Variants in NISCH observed in about 807,000 individuals in gnomAD.
NISCH encodes I-1 receptor candidate protein.
Under a neutral mutation model 138.4 loss-of-function variants are expected in NISCH, and 55 were observed. The observed-to-expected ratio is 0.40, with a 90% CI of 0.32 to 0.50. NISCH has a LOEUF of 0.50. Ranked by LOEUF, NISCH falls within the 20% of genes least tolerant of loss-of-function variation. NISCH has a pLI of 0.71. For synonymous variants in NISCH, 860 were observed against 861.5 expected (o/e 1.00, Z 0.03); for missense variants, 1,643 against 2,005.5 (o/e 0.82, Z 3.45).
At chr3:52,470,593 G>A in intron 3 of NISCH, 2 of 540,934 alleles carry the variant, frequency 3.7e-6, no homozygotes, top group South Asian at 2.3e-5. Flanking sequence ...GGGCTACAGT[G>A]CCCTTGGCCC....
Position 52,472,329 on chromosome 3 carries a change from G to C in NISCH, c.600G>C (p.Gly200=), listed in dbSNP as rs1246145955. 2 of 1,614,120 alleles carry C rather than the reference G, an allele frequency of 1.2e-6. No homozygotes were observed. The highest frequency in any genetic ancestry group is 1.7e-6 in the Non-Finnish European group (2 of 1,180,044). The part of the protein sequence containing the change: ...LKVSGTEGPF[G]TSNIQEQLLP... The stretch of plus-strand genomic sequence containing the variant: ...TTTCTGGCACAGAAGGACCTTTTGG[G>C]ACCAGCAACATTCAGGAGCAGCTCC... Residue 200 remains glycine (G), a synonymous_variant, in exon 6 of 21, where the codon GGG becomes GGC. Coordinates refer to ENST00000345716, the MANE Select transcript of NISCH (RefSeq NM_007184.4).
chr3:52,492,458 G>A lies in NISCH; in HGVS notation c.4491G>A (p.Glu1497=), dbSNP rs2153231991. The A allele has an allele frequency of 6.2e-7, 1 of 1,606,344 alleles. No homozygotes were observed. Among genetic ancestry groups the A allele is most frequent in the Non-Finnish European group, 8.5e-7 (1 of 1,176,814 alleles). ...ARQWEALCGR[E]LPVELTG ...AGTGGGAGGCCCTGTGTGGCCGTGA[G>A]CTGCCTGTCGAGCTCACCGGCTAGC... Residue 1497 remains glutamate (E), a synonymous_variant, in exon 21 of 21, where the codon GAG becomes GAA. Coordinates refer to ENST00000345716, the MANE Select transcript of NISCH (RefSeq NM_007184.4).
chr3:52,487,910 C>G lies in NISCH; in HGVS notation c.2418C>G (p.Asp806Glu), dbSNP rs748560295. The change falls in exon 16 of 21, where the codon GAC becomes GAG. Residue 806 changes from aspartate to glutamate, a missense_variant. Coordinates refer to ENST00000345716, the MANE Select transcript of NISCH (RefSeq NM_007184.4). This position sits in a 1 kb window ranked among gnomAD's most constrained non-coding sequence, Gnocchi z 9.1. ...DAANLHEFHA[D>E]LRSCFAPQHM... ...CCAACCTGCACGAGTTCCACGCGGA[C>G]CTGCGCTCATGCTTTGCACCCCAGC... The G allele has an allele frequency of 3.7e-6, 6 of 1,611,868 alleles. No homozygotes were observed. Among genetic ancestry groups the G allele is most frequent in the Middle Eastern group, 1.6e-4 (1 of 6,084 alleles).
Position 52,489,279 on chromosome 3 carries a change from C to G in NISCH, c.3114-57C>G, listed in dbSNP as rs1276350631. 5 of 1,561,762 alleles carry G rather than the reference C, an allele frequency of 3.2e-6. No homozygotes were observed. The African/African-American group carries it at 5.4e-5, about 17-fold the overall frequency. ...TCTCCTCACTCTGAAGCTGCACATGCGATGTGAATCTTCATTTGGGGTCCG... is the reference window on the plus strand; with the variant it reads ...TCTCCTCACTCTGAAGCTGCACATGGGATGTGAATCTTCATTTGGGGTCCG... On this transcript the variant is annotated intron_variant, in intron 16 of 20. Transcript: ENST00000345716.
rs764044839 is a variant in NISCH at position 52,490,884 on chromosome 3, C to T, written c.3742+51C>T. 13 of 1,606,876 alleles carry T rather than the reference C, an allele frequency of 8.1e-6. No homozygotes were observed. The African/African-American group carries it at 1.6e-4, about 20-fold the overall frequency. On this transcript the variant is annotated intron_variant, in intron 19 of 20. Coordinates refer to ENST00000345716, the MANE Select transcript of NISCH (RefSeq NM_007184.4). ...TATTTCGGGTGAAGGCCAGCATCAC[C>T]AGTGGGCTTCCACCTTCCGTACGTG... is the stretch of plus-strand genomic sequence containing the variant.
intron 13 of NISCH, chr3:52,481,614 A>G: frequency 3.0e-6 from 3 of 985,770 alleles, no homozygotes; most frequent in Non-Finnish European, 3.6e-6. Flanking sequence ...GGCCAGGGAC[A>G]CAGCCATTTC....
intron 3 of NISCH, 31 bp downstream of exon 3, chr3:52,458,875 C>G (rs777184324): frequency 4.5e-6 from 7 of 1,555,850 alleles, no homozygotes; most frequent in Non-Finnish European, 6.1e-6. Context: ...TCACCTGTGC[C>G]TGCAAACCCA....
rs778371590 is a variant in NISCH at position 52,489,438 on chromosome 3, G to A, written c.3216G>A (p.Ala1072=). The A allele has an allele frequency of 3.1e-6, 5 of 1,601,932 alleles. No homozygotes were observed. The highest frequency in any genetic ancestry group is 1.7e-5 in the Admixed American group (1 of 59,836). The change falls in exon 17 of 21, where the codon GCG becomes GCA. Residue 1072 remains alanine, a synonymous_variant. Transcript: ENST00000345716. ...CAGCAGCCTCAGCCTCAGGCCCAGC[G>A]AAGACTCCGGCCCCAGCAGAGGCCT... ...APAAASASGP[A]KTPAPAEAST...
chr3:52,484,462 T>TACCCCCCCCC, intron 13 of NISCH, 51 bp from the exon 14 acceptor site: 1 of 788,670 alleles, frequency 1.3e-6, no homozygotes, highest in Non-Finnish European at 1.8e-6. Flanking sequence ...ACAGCCGCTC[T>TACCCCCCCCC]CCCCGCCCCA....
At chr3:52,480,459 CA>C (rs1391400529) in intron 13 of NISCH, 164 bp downstream of exon 13, 1 of 1,536,870 alleles carries the variant, frequency 6.5e-7, no homozygotes. Context: ...GGACACATGG[CA>C]GGGGTGCCTG....
Position 52,489,505 on chromosome 3 carries a change from C to G in NISCH, c.3283C>G (p.Pro1095Ala), listed in dbSNP as rs1245711848. Residue 1095 changes from proline (P) to alanine (A), a missense_variant, in exon 17 of 21, where the codon CCA becomes GCA. Physicochemically the swap from Pro to Ala is conservative, Grantham distance 27. Transcript: ENST00000345716. The stretch of plus-strand genomic sequence containing the variant: ...CCCAGAGGAGACGCCAGTGGAAGCT[C>G]CAGCCCCACCCCCAGCCGAGGCCCC... The part of the protein sequence containing the change: ...LVPEETPVEA[P>A]APPPAEAPAQ... The G allele has an allele frequency of 6.2e-7, 1 of 1,611,972 alleles. No homozygotes were observed. The highest frequency in any genetic ancestry group is 1.7e-5 in the Admixed American group (1 of 60,006).
At chr3:52,486,374 C>G (rs1429949403) in intron 15 of NISCH, 3 of 152,794 alleles carry the variant, frequency 2.0e-5, no homozygotes, top group Admixed American at 6.5e-5. Flanking sequence ...CCTCGGCCTC[C>G]TAAAGTACTG....
At position 52,487,681 on chromosome 3, in the gene NISCH, T is replaced by C; in HGVS notation, c.2189T>C (p.Val730Ala). 2 of 1,613,744 alleles carry C rather than the reference T, an allele frequency of 1.2e-6. No individual in the cohort carries two copies. The highest frequency in any genetic ancestry group is 8.5e-7 in the Non-Finnish European group (1 of 1,179,994). The change falls in exon 16 of 21, where the codon GTG (valine) becomes GCG (alanine). Residue 730 changes from valine (V) to alanine (A), a missense_variant. Val to Ala is a moderately conservative substitution (Grantham distance 64). Transcript: ENST00000345716. This position sits in a 1 kb window ranked among gnomAD's most constrained non-coding sequence, Gnocchi z 9.1. ...ATCCGCCAGTTCGCCGCCTGCCTTG[T>C]GCTCACCGACTTCGGCATCGCAGTC... ...GSIRQFAACL[V>A]LTDFGIAVFE... is the part of the protein sequence containing the mutation.
In NISCH at chr3:52,487,507, A is replaced by G; in HGVS notation, c.2015A>G (p.Glu672Gly). The change falls in exon 16 of 21, where the codon GAG (glutamate) becomes GGG (glycine). Residue 672 changes from glutamate (E) to glycine (G), a missense_variant. Glu to Gly is a moderately conservative substitution (Grantham distance 98, BLOSUM62 -2). Transcript: ENST00000345716. This position sits in a 1 kb window ranked among gnomAD's most constrained non-coding sequence, Gnocchi z 9.1. ...GAGGAGGAGGGAGGAGGCCAGGGGG[A>G]GGAAGAGGAGGAGGAAGAGGAGGAT... ...VEEEEGGGQG[E>G]EEEEEEEDEE... is the part of the protein sequence containing the mutation. The G allele has an allele frequency of 6.3e-7, 1 of 1,595,096 alleles. No individual in the cohort carries two copies. The highest frequency in any genetic ancestry group is 1.7e-5 in the Admixed American group (1 of 59,238).
rs773800809 is a variant in NISCH at position 52,487,869 on chromosome 3, A to G, written c.2377A>G (p.Ile793Val). ...ACGGCACAGTGAGAACACGCTCTTC[A>G]TTATCTCGGACGCCGCCAACCTGCA... ...KVRHSENTLF[I>V]ISDAANLHEF... The change falls in exon 16 of 21, where the codon ATT becomes GTT. Residue 793 changes from isoleucine to valine, a missense_variant. Transcript: ENST00000345716. This position sits in a 1 kb window ranked among gnomAD's most constrained non-coding sequence, Gnocchi z 9.1. The G allele has an allele frequency of 1.1e-5, 17 of 1,610,952 alleles. No individual in the cohort carries two copies. In the East Asian group the frequency reaches 1.6e-4, roughly 15 times the overall value.
At chr3:52,470,356 C>G (rs1290246252) in intron 3 of NISCH, among the ~76,000 whole-genome samples, 1 of 152,200 alleles carries the variant, frequency 6.6e-6, no homozygotes, top group African/African-American at 2.4e-5. Context: ...AGTGTTCACT[C>G]TTTTCCTGAG....
At chr3:52,470,940 A>C in intron 4 of NISCH, 33 bp downstream of exon 4, 1 of 1,612,056 alleles carries the variant, frequency 6.2e-7, no homozygotes, top group Non-Finnish European at 8.5e-7. Flanking sequence ...AATACTGAGC[A>C]TAAGTTGTGT....
chr3:52,490,101 C>T lies in NISCH; in HGVS notation c.3483C>T (p.Leu1161=), dbSNP rs757006032. The T allele has an allele frequency of 6.2e-7, 1 of 1,613,680 alleles. No individual in the cohort carries two copies. Among genetic ancestry groups the T allele is most frequent in the South Asian group, 1.1e-5 (1 of 91,078 alleles). ...TTGAAAACGAGGAGCTGAGGCACCT[C>T]ATGTGGTCCTCGGTGGTGTTCTACC... ...AEVENEELRH[L]MWSSVVFYQT... Residue 1161 remains leucine (L), a synonymous_variant, in exon 18 of 21, where the codon CTC becomes CTT. Transcript: ENST00000345716.
At chr3:52,473,701 C>G (rs757295301) in intron 6 of NISCH, 33 bp from the exon 7 acceptor site, 1 of 1,473,950 alleles carries the variant, frequency 6.8e-7, no homozygotes, top group East Asian at 2.3e-5. Flanking sequence ...AGCAAGGATT[C>G]TGTTTCTGAG....
Sources: allele counts gnomAD v4.1 joint callset (sites outside exome capture counted in the v4.1 genomes callset), GRCh38; gene constraint gnomAD v4.1.1; non-coding constraint Gnocchi (gnomAD v3.1); transcripts MANE v1.5; gene names NCBI Gene and HGNC (gene_info 2026-07-23, HGNC 2026-07-21).